The following RSRC1 variants were observed in gnomAD, a reference collection of about 807,000 sequenced individuals.
The protein encoded by RSRC1 is arginine and serine rich coiled-coil 1, also known as serine/Arginine-related protein 53.
Under a neutral mutation model 49.1 loss-of-function variants are expected in RSRC1, and 39 were observed. The ratio of observed to expected loss-of-function variants is 0.79; its 90% CI spans 0.61 to 1.04. RSRC1 has a LOEUF of 1.04. RSRC1 is among the 50% of genes least tolerant of loss of function. The pLI is 0.00. For synonymous variants in RSRC1, 143 were observed against 130.8 expected, an observed-to-expected ratio of 1.09 and a Z score of -0.63; for missense variants, 388 against 402.4, an observed-to-expected ratio of 0.96 and a Z score of 0.31.
At chr3:158,220,164 G>A (rs1722154198) in intron 4 of RSRC1, among the ~76,000 whole-genome samples, 2 of 151,612 alleles carry the variant, frequency 1.3e-5, no homozygotes, top group African/African-American at 2.4e-5. Flanking sequence ...TATTAAGGAA[G>A]GGTTTGTATC....
intron 3 of RSRC1, among the ~76,000 whole-genome samples, chr3:158,146,270 A>G (rs1717108896): frequency 6.6e-6 from 1 of 152,176 alleles, no homozygotes; most frequent in South Asian, 2.1e-4. Context: ...TGGGTTTGTC[A>G]TTAATAGCTC....
intron 5 of RSRC1, among the ~76,000 whole-genome samples, chr3:158,328,578 T>C (rs949134116): frequency 1.3e-5 from 2 of 152,244 alleles, no homozygotes; most frequent in East Asian, 3.8e-4. Flanking sequence ...TCTTCTGGCT[T>C]GTAGAGTTTC....
chr3:158,525,416 G>C (rs567420140), intron 7 of RSRC1, among the ~76,000 whole-genome samples: 2 of 152,068 alleles, frequency 1.3e-5, no homozygotes, highest in Admixed American at 1.3e-4. Context: ...TGTTGATGAA[G>C]ATGTAGAGCA....
chr3:158,457,387 A>G (rs1399514807), intron 6 of RSRC1, among the ~76,000 whole-genome samples: 1 of 152,182 alleles, frequency 6.6e-6, no homozygotes, highest in African/African-American at 2.4e-5. Flanking sequence ...GGCTGGTGAA[A>G]ATAGGACATA....
At chr3:158,337,320 G>T (rs1368961145) in intron 5 of RSRC1, among the ~76,000 whole-genome samples, 1 of 152,134 alleles carries the variant, frequency 6.6e-6, no homozygotes, top group Non-Finnish European at 1.5e-5. Flanking sequence ...CATGTGATCC[G>T]TTTTTTCTGT....
rs1474618434 is a variant in RSRC1, at chr3:158,203,087, T to C, written c.336T>C (p.Pro112=). Residue 112 remains proline, a synonymous_variant, in exon 4 of 10, where the codon CCT becomes CCC. Transcript: ENST00000611884. The part of the protein sequence containing the change: ...KSRTRRSRSR[P]RLRSHSRSSE... Reference sequence around the variant, plus strand: ...CTTACTGTAGGTCCAGGTCAAGACCTCGTCTCCGTTCTCATAGTCGTAGCA... The same window carrying C: ...CTTACTGTAGGTCCAGGTCAAGACCCCGTCTCCGTTCTCATAGTCGTAGCA... 1.4e-5 allele frequency: 22 copies of C among 1,612,972 alleles called. No individual in the cohort carries two copies. Among genetic ancestry groups the C allele is most frequent in the Non-Finnish European group, 1.8e-5 (21 of 1,179,330 alleles).
rs1268175111 is a variant in RSRC1 at position 158,398,616 on chromosome 3, A to G, written c.583+43708A>G. 2.0e-5 allele frequency among the ~76,000 whole-genome samples: 3 copies of G among 152,202 alleles called. No homozygotes were observed. In the East Asian group the frequency reaches 5.8e-4, roughly 29 times the overall value. On this transcript the variant is annotated intron_variant, in intron 6 of 9. Transcript: ENST00000611884. ...ATTTTGAAGGGGATAGGACACAGAC[A>G]TTCAAACCATAGCAGGGAGCAAAGG...
At chr3:158,264,129 C>T (rs1392185924) in intron 4 of RSRC1, among the ~76,000 whole-genome samples, 1 of 152,016 alleles carries the variant, frequency 6.6e-6, no homozygotes, top group Non-Finnish European at 1.5e-5. Context: ...TAAGCTGAAA[C>T]CTTGATTTCC....
chr3:158,237,653 CT>C, intron 4 of RSRC1, among the ~76,000 whole-genome samples: 1 of 152,206 alleles, frequency 6.6e-6, no homozygotes, highest in Non-Finnish European at 1.5e-5. Context: ...TTGTTCAAGC[CT>C]TTTGTCCACT....
At chr3:158,254,790 G>C (rs1427764721) in intron 4 of RSRC1, among the ~76,000 whole-genome samples, 1 of 152,048 alleles carries the variant, frequency 6.6e-6, no homozygotes. Flanking sequence ...TCTCATGGTG[G>C]TTTTGATTTG....
intron 3 of RSRC1, among the ~76,000 whole-genome samples, chr3:158,156,028 C>A (rs1225898085): frequency 4.6e-5 from 7 of 152,178 alleles, no homozygotes; most frequent in African/African-American, 1.7e-4. Context: ...CTCCTCTCTA[C>A]CTATAAGACC....
intron 5 of RSRC1, among the ~76,000 whole-genome samples, chr3:158,325,485 A>G (rs1729075066): frequency 6.6e-6 from 1 of 152,204 alleles, no homozygotes. Flanking sequence ...TTAAATAGGG[A>G]ATCCTTTCCT....
intron 7 of RSRC1, among the ~76,000 whole-genome samples, chr3:158,463,331 A>C (rs984094457): frequency 2.0e-5 from 3 of 152,094 alleles, no homozygotes; most frequent in South Asian, 2.1e-4. Flanking sequence ...CTTGAATGCT[A>C]TCAAATTAAC....
chr3:158,302,119 GTTTC>G lies in RSRC1; in HGVS notation c.531+4048_531+4051del, dbSNP rs150899008. ...CTGTGTGTATCATTATATTTATTGTGTTTCTTTATTAAGGGTCTGAGATTTTAGC... is the reference window on the plus strand; with the variant it reads ...CTGTGTGTATCATTATATTTATTGTGTTTATTAAGGGTCTGAGATTTTAGC... On this transcript the variant is annotated intron_variant, in intron 5 of 9. Coordinates refer to ENST00000611884, the MANE Select transcript of RSRC1 (RefSeq NM_001271838.2). Among the ~76,000 whole-genome samples the G allele has an allele frequency of 8.9e-3, 1,332 of 150,398 alleles. 17 individuals carry two copies. The highest frequency in any genetic ancestry group is 0.031 in the African/African-American group (1,275 of 40,876).
intron 5 of RSRC1, among the ~76,000 whole-genome samples, chr3:158,341,347 T>G (rs776842709): frequency 5.3e-5 from 8 of 151,986 alleles, no homozygotes; most frequent in Non-Finnish European, 1.2e-4. Context: ...GTGGGCCAGG[T>G]CCAGGTCCCT....
chr3:158,477,798 T>TTA (rs67839411), intron 7 of RSRC1, among the ~76,000 whole-genome samples: 1,554 of 89,678 alleles, frequency 0.017, 90 homozygotes, highest in South Asian at 0.085. Flanking sequence ...CGGGAGGGAT[T>TTA]TATATATATA....
intron 4 of RSRC1, among the ~76,000 whole-genome samples, chr3:158,204,878 A>G (rs547554675): frequency 1.6e-4 from 24 of 152,284 alleles, no homozygotes; most frequent in Non-Finnish European, 2.6e-4. Flanking sequence ...ATAAAACATT[A>G]TATGGGGAAT....
chr3:158,509,662 G>A (rs946496086), intron 7 of RSRC1, among the ~76,000 whole-genome samples: 5 of 152,036 alleles, frequency 3.3e-5, no homozygotes, highest in Non-Finnish European at 7.4e-5. Flanking sequence ...AAAATTACAA[G>A]ATGTTGTATT....
chr3:158,140,956 C>G (rs980220682), intron 3 of RSRC1, among the ~76,000 whole-genome samples: 3 of 152,196 alleles, frequency 2.0e-5, no homozygotes, highest in East Asian at 1.9e-4. Context: ...AAGCAAAGCT[C>G]TCAGGCACCA....
Sources: allele counts gnomAD v4.1 joint callset (sites outside exome capture counted in the v4.1 genomes callset), GRCh38; gene constraint gnomAD v4.1.1; transcripts MANE v1.5; gene names NCBI Gene and HGNC (gene_info 2026-07-23, HGNC 2026-07-21).